TNR: variants seen among roughly 807,000 people sequenced by gnomAD.
TNR encodes the protein tenascin R, also known as tenascin-R.
TNR carries 45 observed loss-of-function variants against 150.4 expected under a neutral mutation model. That is an observed-to-expected ratio of 0.30 (90% CI 0.24 to 0.38). The LOEUF is 0.38. Ranked by LOEUF, TNR falls within the 10% of genes least tolerant of loss-of-function variation. The probability of loss-of-function intolerance (pLI) is 1.00; values close to 1 mark genes in which losing one functional copy is unlikely to be tolerated. For synonymous variants in TNR, 687 were observed against 678.4 expected (o/e 1.01, Z -0.20); for missense variants, 1,544 against 1,759.1 (o/e 0.88, Z 2.19).
intron 14 of TNR, among the ~76,000 whole-genome samples, chr1:175,360,095 G>T (rs1651523756): frequency 6.6e-6 from 1 of 152,198 alleles, no homozygotes; most frequent in Non-Finnish European, 1.5e-5. Flanking sequence ...CACAGAAATT[G>T]TTATAATTTT....
intron 1 of TNR, among the ~76,000 whole-genome samples, chr1:175,582,986 C>T (rs938158808): frequency 2.0e-5 from 3 of 152,088 alleles, no homozygotes; most frequent in Admixed American, 6.5e-5. Flanking sequence ...CCCCAACCCC[C>T]GAGATGCCAG....
intron 9 of TNR, among the ~76,000 whole-genome samples, chr1:175,373,517 T>G (rs1439958328): frequency 6.6e-6 from 1 of 152,112 alleles, no homozygotes; most frequent in Non-Finnish European, 1.5e-5. Context: ...CTTTTTTGGG[T>G]GTGCATGATG....
intron 1 of TNR, among the ~76,000 whole-genome samples, chr1:175,636,096 A>G (rs2101877273): frequency 1.3e-5 from 2 of 152,148 alleles, no homozygotes; most frequent in Middle Eastern, 3.4e-3. Flanking sequence ...GATCATCCTT[A>G]TGTTATTTCC....
intron 2 of TNR, among the ~76,000 whole-genome samples, chr1:175,407,522 C>T (rs1654019068): frequency 6.6e-6 from 1 of 152,204 alleles, no homozygotes; most frequent in Admixed American, 6.5e-5. Context: ...AATAAACTCA[C>T]TGGGATGCAA....
chr1:175,340,852 G>C (rs1650486272), intron 18 of TNR, among the ~76,000 whole-genome samples: 1 of 152,022 alleles, frequency 6.6e-6, no homozygotes, highest in African/African-American at 2.4e-5. Context: ...TTGAATGTCT[G>C]TCTCTCTCTC....
In TNR at chr1:175,365,068, G is replaced by A. The variant is rs757252152; in HGVS notation, c.2529C>T (p.Asn843=). Residue 843 remains asparagine, a synonymous_variant, in exon 12 of 23, where the codon AAC becomes AAT. Coordinates refer to ENST00000367674, the MANE Select transcript of TNR (RefSeq NM_003285.3). ...TCACTGTGCCATGGACAGCCACAAG[G>A]TTCACAATATACTCTGTGGCTGGTT... ...GLQPATEYIV[N]LVAVHGTVTS... is the part of the protein sequence containing the mutation. 1.2e-6 allele frequency: 2 copies of A among 1,614,086 alleles called. No homozygotes were observed. Among genetic ancestry groups the A allele is most frequent in the East Asian group, 2.2e-5 (1 of 44,868 alleles).
intron 1 of TNR, among the ~76,000 whole-genome samples, chr1:175,687,451 C>A (rs1666236762): frequency 6.6e-6 from 1 of 152,110 alleles, no homozygotes; most frequent in Non-Finnish European, 1.5e-5. Context: ...ATTCTTTACA[C>A]CCACTGAAAG....
intron 1 of TNR, among the ~76,000 whole-genome samples, chr1:175,540,722 A>C (rs1017439804): frequency 2.6e-5 from 4 of 151,894 alleles, no homozygotes; most frequent in Non-Finnish European, 5.9e-5. Flanking sequence ...AGAGGTAGCC[A>C]CTTCTCTCAG....
intron 1 of TNR, among the ~76,000 whole-genome samples, chr1:175,724,790 G>T (rs1035924181): frequency 6.6e-6 from 1 of 152,194 alleles, no homozygotes; most frequent in Non-Finnish European, 1.5e-5. Flanking sequence ...GCCAGGGATG[G>T]CTTCCTGAAG....
At chr1:175,712,970 G>C (rs1046099516) in intron 1 of TNR, among the ~76,000 whole-genome samples, 1 of 152,194 alleles carries the variant, frequency 6.6e-6, no homozygotes, top group Non-Finnish European at 1.5e-5. Flanking sequence ...TAGGCTCCTG[G>C]CTGGGGGAAC....
chr1:175,362,800 A>G lies in TNR; in HGVS notation c.2717T>C (p.Leu906Pro). Residue 906 changes from leucine to proline, a missense_variant, in exon 14 of 23, where the codon CTA becomes CCA. Transcript: ENST00000367674. ...AGTGTTGGGCACCACTGAGCTGTCT[A>G]GTCGTCCCACTGGAGAAGAGAAGAA... ...VSYRPTQVGRLDSSVVPNTVT... is the reference protein window; with the variant it reads ...VSYRPTQVGRPDSSVVPNTVT... 2.5e-6 allele frequency: 4 copies of G among 1,614,098 alleles called. No homozygotes were observed. Among genetic ancestry groups the G allele is most frequent in the Non-Finnish European group, 3.4e-6 (4 of 1,179,976 alleles).
At chr1:175,641,827 G>A (rs769059786) in intron 1 of TNR, among the ~76,000 whole-genome samples, 5 of 152,232 alleles carry the variant, frequency 3.3e-5, no homozygotes, top group Non-Finnish European at 7.3e-5. Flanking sequence ...GCCTCATAGC[G>A]CAGGTTAAAT....
At position 175,456,821 on chromosome 1, in the gene TNR, A is replaced by T. The variant is rs184855376; in HGVS notation, c.-63-50044T>A. ...TAAGTGACAAGCTCTATTATATCTT[A>T]AAAAAGTTGAAATGATCTATTTTCT... On this transcript the variant is annotated intron_variant, in intron 2 of 22. Transcript: ENST00000367674. Among the ~76,000 whole-genome samples the T allele has an allele frequency of 2.0e-3, 309 of 152,304 alleles. 1 individual carries two copies. Among genetic ancestry groups the T allele is most frequent in the African/African-American group, 7.1e-3 (296 of 41,556 alleles).
At chr1:175,563,365 G>C (rs1217898556) in intron 1 of TNR, among the ~76,000 whole-genome samples, 1 of 152,196 alleles carries the variant, frequency 6.6e-6, no homozygotes, top group Non-Finnish European at 1.5e-5. Context: ...TTCTGGACAA[G>C]ATCCATCAAC....
In TNR at chr1:175,320,682, T is replaced by C. The variant is rs1436714750; in HGVS notation, c.*2675A>G. 7.0e-6 allele frequency: 1 copy of C among 142,078 alleles called. No individual in the cohort carries two copies. Among genetic ancestry groups the C allele is most frequent in the Non-Finnish European group, 1.5e-5 (1 of 66,668 alleles). The allele number at this position is 142,078 out of a possible 1,614,324, so 8.8% of individuals were successfully genotyped here. On this transcript the variant is annotated 3_prime_UTR_variant, in exon 23 of 23. Transcript: ENST00000367674. ...TTCAGCCTCTCACTCGGCATGATCT[T>C]TTCTGCAGTATTTTCGTGTGTGTGT... is the stretch of plus-strand genomic sequence containing the variant.
chr1:175,329,552 C>A (rs1410994075), intron 21 of TNR, among the ~76,000 whole-genome samples: 1 of 152,174 alleles, frequency 6.6e-6, no homozygotes, highest in Admixed American at 6.5e-5. Flanking sequence ...GTTAGCATGA[C>A]CGCTGATGGA....
intron 1 of TNR, among the ~76,000 whole-genome samples, chr1:175,636,221 A>G (rs1185890466): frequency 6.6e-6 from 1 of 152,202 alleles, no homozygotes; most frequent in Non-Finnish European, 1.5e-5. Flanking sequence ...AATATTAACT[A>G]CTACCTCCTC....
At chr1:175,651,934 T>C (rs1665009261) in intron 1 of TNR, among the ~76,000 whole-genome samples, 1 of 151,386 alleles carries the variant, frequency 6.6e-6, no homozygotes, top group Non-Finnish European at 1.5e-5. Flanking sequence ...ACTATGTTCA[T>C]GGATGAAATA....
intron 2 of TNR, 133 bp from the exon 3 acceptor site, chr1:175,406,910 G>C (rs1432883457): frequency 1.5e-6 from 1 of 651,768 alleles, no homozygotes. Context: ...AGGGACAGTG[G>C]CTGCCAATGT....
Sources: allele counts gnomAD v4.1 joint callset (sites outside exome capture counted in the v4.1 genomes callset), GRCh38; gene constraint gnomAD v4.1.1; transcripts MANE v1.5; gene names NCBI Gene and HGNC (gene_info 2026-07-23, HGNC 2026-07-21).